The following NUBPL variants were observed in gnomAD, a reference collection of about 807,000 sequenced individuals.
NUBPL encodes the protein NUBP iron-sulfur cluster assembly factor, mitochondrial.
NUBPL carries 31 observed loss-of-function variants against 45.7 expected under a neutral mutation model. That is an observed-to-expected ratio of 0.68 (90% confidence interval 0.51 to 0.92). The LOEUF is 0.92. Among genes scored for constraint, NUBPL ranks in the 40% least tolerant of loss-of-function variants. NUBPL has a pLI of 0.00. For synonymous variants in NUBPL, 144 were observed against 140.9 expected (o/e 1.02, Z -0.15); for missense variants, 401 against 398.7 (o/e 1.01, Z -0.05).
chr14:31,648,462 A>T (rs1475633568), intron 4 of NUBPL, among the ~76,000 whole-genome samples: 1 of 152,156 alleles, frequency 6.6e-6, no homozygotes, highest in South Asian at 2.1e-4. Flanking sequence ...CATACTACCT[A>T]TGTTTATGAT....
chr14:31,765,553 C>T (rs372385692), intron 6 of NUBPL, among the ~76,000 whole-genome samples: 9 of 152,018 alleles, frequency 5.9e-5, no homozygotes, highest in East Asian at 5.8e-4. Flanking sequence ...CACCTGTCCA[C>T]ATCCCGAATT....
intron 7 of NUBPL, among the ~76,000 whole-genome samples, chr14:31,820,308 A>C (rs1036474044): frequency 5.3e-5 from 8 of 152,200 alleles, no homozygotes; most frequent in Non-Finnish European, 1.2e-4. Context: ...CAAGTTTTCT[A>C]TCAGTCCCTT....
chr14:31,693,165 T>C (rs2037130188), intron 6 of NUBPL, among the ~76,000 whole-genome samples: 1 of 152,148 alleles, frequency 6.6e-6, no homozygotes, highest in Non-Finnish European at 1.5e-5. Context: ...GCTCTTAAAA[T>C]AGTTCACTTT....
rs561175320 is a variant in NUBPL at position 31,671,922 on chromosome 14, A to G, written c.383-1433A>G. Among the ~76,000 whole-genome samples the G allele has an allele frequency of 5.5e-4, 84 of 152,364 alleles. 1 individual carries two copies. Among genetic ancestry groups the G allele is most frequent in the Non-Finnish European group, 9.3e-4 (63 of 68,028 alleles). ...AGAACATATCTTGAAATCTGAAAAC[A>G]GGATACTCCTAGGTTTTATGACTTT... On this transcript the variant is annotated intron_variant, in intron 4 of 10. Coordinates refer to ENST00000281081, the MANE Select transcript of NUBPL (RefSeq NM_025152.3).
At chr14:31,760,878 G>T (rs2038793051) in intron 6 of NUBPL, among the ~76,000 whole-genome samples, 1 of 151,510 alleles carries the variant, frequency 6.6e-6, no homozygotes, top group Non-Finnish European at 1.5e-5. Flanking sequence ...TTACTCTGTT[G>T]CCCAGGCTGG....
At chr14:31,702,345 T>C (rs1410865840) in intron 6 of NUBPL, among the ~76,000 whole-genome samples, 1 of 152,156 alleles carries the variant, frequency 6.6e-6, no homozygotes, top group East Asian at 1.9e-4. Flanking sequence ...TGATTGTCCA[T>C]ATGGCTGATC....
At chr14:31,705,616 T>C (rs905281483) in intron 6 of NUBPL, among the ~76,000 whole-genome samples, 6 of 152,146 alleles carry the variant, frequency 3.9e-5, no homozygotes, top group African/African-American at 1.2e-4. Flanking sequence ...AGAGTGCTGA[T>C]TGGTGCGTTT....
At chr14:31,730,790 G>T (rs2038033613) in intron 6 of NUBPL, among the ~76,000 whole-genome samples, 1 of 152,170 alleles carries the variant, frequency 6.6e-6, no homozygotes, top group Admixed American at 6.5e-5. Flanking sequence ...TTTAGATTAA[G>T]ATGGTCCTGG....
intron 6 of NUBPL, among the ~76,000 whole-genome samples, chr14:31,683,300 A>G (rs2036876016): frequency 6.6e-6 from 1 of 151,494 alleles, no homozygotes; most frequent in Non-Finnish European, 1.5e-5. Context: ...AATCTCACAT[A>G]CAGTGCTATA....
intron 7 of NUBPL, among the ~76,000 whole-genome samples, chr14:31,791,938 G>A (rs1225181255): frequency 6.6e-6 from 1 of 152,146 alleles, no homozygotes; most frequent in Non-Finnish European, 1.5e-5. Context: ...ACTGCCATTG[G>A]ATGACAGTCT....
At chr14:31,790,766 G>T (rs908754582) in intron 7 of NUBPL, among the ~76,000 whole-genome samples, 2 of 151,976 alleles carry the variant, frequency 1.3e-5, no homozygotes, top group Non-Finnish European at 2.9e-5. Context: ...CAGGAGAATG[G>T]CATGAAGCTG....
intron 10 of NUBPL, among the ~76,000 whole-genome samples, chr14:31,851,021 A>C (rs1257423964): frequency 6.6e-6 from 1 of 152,222 alleles, no homozygotes; most frequent in Non-Finnish European, 1.5e-5. Flanking sequence ...AGTTGGAGAT[A>C]TAGTTGATAG....
intron 7 of NUBPL, among the ~76,000 whole-genome samples, chr14:31,793,607 G>A (rs2039422534): frequency 2.0e-5 from 3 of 152,068 alleles, no homozygotes. Flanking sequence ...AGCTACTCAG[G>A]AAATGTTGAA....
chr14:31,672,985 G>C (rs761587971), intron 4 of NUBPL, among the ~76,000 whole-genome samples: 2 of 152,190 alleles, frequency 1.3e-5, no homozygotes, highest in Non-Finnish European at 2.9e-5. Context: ...TGTTAGTCAA[G>C]TAGTGCGAAG....
chr14:31,639,574 C>T (rs971899416), intron 4 of NUBPL, among the ~76,000 whole-genome samples: 15 of 152,188 alleles, frequency 9.9e-5, no homozygotes, highest in African/African-American at 3.1e-4. Context: ...GTTCTTAGAT[C>T]TCCAGCTGCA....
intron 4 of NUBPL, among the ~76,000 whole-genome samples, chr14:31,641,106 C>T (rs925832037): frequency 5.9e-5 from 9 of 152,036 alleles, no homozygotes; most frequent in African/African-American, 1.9e-4. Flanking sequence ...TGTGCACCAC[C>T]ACGCCCAGCT....
At chr14:31,813,435 CTATA>C (rs1249220171) in intron 7 of NUBPL, among the ~76,000 whole-genome samples, 1 of 99,742 alleles carries the variant, frequency 1.0e-5, no homozygotes, top group Non-Finnish European at 2.0e-5. Flanking sequence ...TTCTTTTTTG[CTATA>C]CACACACACA....
At chr14:31,600,693 T>C (rs1314453806) in intron 4 of NUBPL, among the ~76,000 whole-genome samples, 1 of 152,034 alleles carries the variant, frequency 6.6e-6, no homozygotes, top group Non-Finnish European at 1.5e-5. Flanking sequence ...TTTTCTCCCA[T>C]TTTGTAGGTT....
chr14:31,634,450 G>T (rs949106650), intron 4 of NUBPL, among the ~76,000 whole-genome samples: 2 of 151,634 alleles, frequency 1.3e-5, no homozygotes, highest in African/African-American at 4.9e-5. Context: ...AGTATTCCAT[G>T]GTGTACATGT....
Sources: gnomAD v4.1 joint callset for allele counts (sites outside exome capture counted in the v4.1 genomes callset) on GRCh38, gnomAD v4.1.1 for gene constraint, MANE v1.5 for transcripts, NCBI Gene and HGNC (gene_info 2026-07-23, HGNC 2026-07-21) for gene names.